The following ZNF888 variants were observed in gnomAD, a reference collection of about 807,000 sequenced individuals.
ZNF888 encodes zinc finger protein 888.
In ZNF888, 5 loss-of-function variants were observed where a neutral mutation model predicts 7.2. That is an observed-to-expected ratio of 0.70 (90% CI 0.36 to 1.46). The LOEUF (loss-of-function observed/expected upper bound fraction) is 1.46. Ranked by LOEUF, ZNF888 falls within the 40% of genes most tolerant of loss-of-function variation. The probability of loss-of-function intolerance (pLI) is 0.03; values close to 1 mark genes in which losing one functional copy is unlikely to be tolerated. For synonymous variants in ZNF888, 240 were observed against 284.3 expected (o/e 0.84, Z 1.57); for missense variants, 716 against 858.0 (o/e 0.83, Z 2.07).
chr19:52,922,384 T>G (rs1432655098), intron 1 of ZNF888, among the ~76,000 whole-genome samples: 6 of 152,032 alleles, frequency 3.9e-5, no homozygotes, highest in Non-Finnish European at 8.8e-5. Flanking sequence ...TCTGTTCTCC[T>G]TGCCACCAGC....
chr19:52,917,012 T>C (rs1177870088), intron 3 of ZNF888, among the ~76,000 whole-genome samples: 2 of 152,186 alleles, frequency 1.3e-5, no homozygotes, highest in Non-Finnish European at 2.9e-5. Context: ...AGAAAAATTG[T>C]AATCATTTTT....
intron 4 of ZNF888, among the ~76,000 whole-genome samples, chr19:52,910,882 A>C (rs2064670031): frequency 6.6e-6 from 1 of 152,082 alleles, no homozygotes. Context: ...TCCTACCTCA[A>C]GTGATTCTCC....
At chr19:52,921,858 G>A (rs1185242529) in intron 1 of ZNF888, 1 of 155,360 alleles carries the variant, frequency 6.4e-6, no homozygotes, top group African/African-American at 2.4e-5. Context: ...GAACCAGGGA[G>A]GTGGCGATTG....
At chr19:52,911,845 C>T (rs1600680520) in intron 4 of ZNF888, among the ~76,000 whole-genome samples, 2 of 151,810 alleles carry the variant, frequency 1.3e-5, no homozygotes, top group South Asian at 4.2e-4. Flanking sequence ...AAGATGGAGT[C>T]TCACTCTGTC....
chr19:52,908,107 G>A lies in ZNF888; in HGVS notation c.215C>T (p.Thr72Ile). Residue 72 changes from threonine (T) to isoleucine (I), a missense_variant, in exon 5 of 5, where the codon ACA becomes ATA. By Grantham distance (89) the Thr-to-Ile change is moderately conservative. This residue lies in a region of ZNF888 where 697 missense variants were observed against 803.4 expected (regional missense o/e 0.87). Transcript: ENST00000638862. ...GTGATGACTTGCCAGTCTTTGCAAT[G>A]TCCCTGTGTGGATCACTTCTGTATT... Reference protein sequence around the residue: ...KGNTEVIHTGTLQRLASHHIG... With the variant: ...KGNTEVIHTGILQRLASHHIG... The A allele has an allele frequency of 6.2e-7, 1 of 1,614,120 alleles. No homozygotes were observed. Among genetic ancestry groups the A allele is most frequent in the Non-Finnish European group, 8.5e-7 (1 of 1,180,036 alleles).
At position 52,906,014 on chromosome 19, in the gene ZNF888, C is replaced by T; in HGVS notation, c.*151G>A. ...TCATGACATTTGTAAGGTTTCTCTC[C>T]AGTATGAGTTCACCCATGAACTACA... On this transcript the variant is annotated 3_prime_UTR_variant, in exon 5 of 5. Coordinates refer to ENST00000638862, the MANE Select transcript of ZNF888 (RefSeq NM_001393938.1). 1 of 1,188,920 alleles carries T rather than the reference C, an allele frequency of 8.4e-7. No homozygotes were observed. Among genetic ancestry groups the T allele is most frequent in the South Asian group, 1.2e-5 (1 of 80,814 alleles). The allele number at this position is 1,188,920 out of a possible 1,614,324, so 73.6% of individuals were successfully genotyped here. A position where few individuals can be genotyped will look rare whatever the true frequency, so the allele number is the denominator to read the frequency against.
intron 1 of ZNF888, chr19:52,921,617 T>C (rs1028159343): frequency 8.9e-5 from 87 of 972,198 alleles, no homozygotes; most frequent in Non-Finnish European, 1.0e-4. Context: ...AATTTTTCCT[T>C]ACAAGAAAAT....
chr19:52,912,175 A>G (rs7250391), intron 4 of ZNF888, among the ~76,000 whole-genome samples: 93,011 of 143,620 alleles, frequency 0.65, 30,140 homozygotes, highest in Admixed American at 0.72. Flanking sequence ...GTGTCGTGGC[A>G]AGATCTCGGC....
rs1018264805 is a variant in ZNF888, at chr19:52,906,531, A to G, written c.1791T>C (p.His597=). ...FRTQSQLACH[H]RLHTGEKPYK... is the part of the protein sequence containing the mutation. ...AAGGTTTCTCTCCAGTATGAAGTCTATGATGACATGCAAGTTGTGACTGTG... is the reference window on the plus strand; with the variant it reads ...AAGGTTTCTCTCCAGTATGAAGTCTGTGATGACATGCAAGTTGTGACTGTG... The change falls in exon 5 of 5, where the codon CAT becomes CAC. Residue 597 remains histidine (H), a synonymous_variant. Transcript: ENST00000638862. 7 of 1,613,740 alleles carry G rather than the reference A, an allele frequency of 4.3e-6. No homozygotes were observed. In the Admixed American group the frequency reaches 5.0e-5, roughly 12 times the overall value.
intron 4 of ZNF888, chr19:52,913,608 G>T: frequency 1.7e-6 from 1 of 596,176 alleles, no homozygotes; most frequent in Non-Finnish European, 2.1e-6. Flanking sequence ...ATAGGCGTGA[G>T]CCACTGTACC....
Position 52,907,823 on chromosome 19 carries a change from T to A in ZNF888, c.499A>T (p.Ile167Phe), listed in dbSNP as rs2064629729. 6.8e-6 allele frequency: 11 copies of A among 1,614,064 alleles called. No individual in the cohort carries two copies. Among genetic ancestry groups the A allele is most frequent in the Non-Finnish European group, 9.3e-6 (11 of 1,180,034 alleles). ...GTTGAAACTGAGGAAGCATTGTTGA[T>A]AGACTTCTCAAGTTGATTACCAATT... ...GKIGNQLEKS[I>F]NNASSVSTSQ... is the part of the protein sequence containing the mutation. Residue 167 changes from isoleucine to phenylalanine, a missense_variant, in exon 5 of 5, where the codon ATC (isoleucine) becomes TTC (phenylalanine). Ile to Phe is a conservative substitution (Grantham distance 21). This residue lies in a region of ZNF888 where 697 missense variants were observed against 803.4 expected (regional missense o/e 0.87). Coordinates refer to ENST00000638862, the MANE Select transcript of ZNF888 (RefSeq NM_001393938.1).
chr19:52,923,259 T>G, intron 1 of ZNF888, 110 bp downstream of exon 1: 1 of 980,042 alleles, frequency 1.0e-6, no homozygotes, highest in Middle Eastern at 5.3e-4. Flanking sequence ...TTGCTCTTGT[T>G]GAAGGAAGAA....
rs560191070 is a variant in ZNF888 at position 52,919,542 on chromosome 19, C to G, written c.-177-605G>C. The stretch of plus-strand genomic sequence containing the variant: ...CCTCCCAGCCGCCTGCCTTGGCCCC[C>G]CAAAGTGCCGAGATTGCAGGCTCTG... On this transcript the variant is annotated intron_variant, in intron 1 of 4. Coordinates refer to ENST00000638862, the MANE Select transcript of ZNF888 (RefSeq NM_001393938.1). 6.9e-5 allele frequency among the ~76,000 whole-genome samples: 5 copies of G among 71,962 alleles called. 2 individuals carry two copies. The highest frequency in any genetic ancestry group is 2.2e-4 in the African/African-American group (5 of 22,908). The allele number at this position is 71,962 out of a possible 152,430, so 47.2% of individuals were successfully genotyped here. A position where few individuals can be genotyped will look rare whatever the true frequency, so the allele number is the denominator to read the frequency against.
chr19:52,908,265 T>A, intron 4 of ZNF888, 86 bp from the exon 5 acceptor site: 1 of 1,304,666 alleles, frequency 7.7e-7, no homozygotes, highest in Non-Finnish European at 1.1e-6. Flanking sequence ...CCAAAAACAA[T>A]ACTTATTTTA....
chr19:52,922,603 C>T (rs1471995439), intron 1 of ZNF888, among the ~76,000 whole-genome samples: 1 of 152,178 alleles, frequency 6.6e-6, no homozygotes, highest in Non-Finnish European at 1.5e-5. Flanking sequence ...TGGCAAATCC[C>T]TGACCATCCC....
chr19:52,909,435 A>T (rs2064651127), intron 4 of ZNF888, among the ~76,000 whole-genome samples: 1 of 151,548 alleles, frequency 6.6e-6, no homozygotes, highest in South Asian at 2.1e-4. Flanking sequence ...TTTAGTAGAG[A>T]TGGGGTTTCA....
rs544114421 is a variant in ZNF888 at position 52,916,024 on chromosome 19, T to C, written c.16-702A>G. ...AGCCAGGTGCAGTGACACATGCCTG[T>C]AGTCCCAGCTATGTGGGAGGCTGAG... On this transcript the variant is annotated intron_variant, in intron 3 of 4. Coordinates refer to ENST00000638862, the MANE Select transcript of ZNF888 (RefSeq NM_001393938.1). 1.2e-4 allele frequency among the ~76,000 whole-genome samples: 19 copies of C among 152,382 alleles called. No homozygotes were observed. The East Asian group carries it at 3.7e-3, about 29-fold the overall frequency.
rs139414395 is a variant in ZNF888, at chr19:52,916,166, G to A, written c.16-844C>T. Among the ~76,000 whole-genome samples the A allele has an allele frequency of 3.4e-3, 521 of 152,108 alleles. 3 individuals carry two copies. The highest frequency in any genetic ancestry group is 0.012 in the African/African-American group (504 of 41,500). On this transcript the variant is annotated intron_variant, in intron 3 of 4. Coordinates refer to ENST00000638862, the MANE Select transcript of ZNF888 (RefSeq NM_001393938.1). The stretch of plus-strand genomic sequence containing the variant: ...CAAAATTAAAAATAAAAAATCAGCC[G>A]GGCATGGTGGCAGGCACCTGTGGTT...
intron 4 of ZNF888, among the ~76,000 whole-genome samples, chr19:52,910,593 A>T (rs1440392777): frequency 6.6e-6 from 1 of 152,198 alleles, no homozygotes; most frequent in Non-Finnish European, 1.5e-5. Flanking sequence ...CTACCTGTGA[A>T]TACTAAAAGT....
Sources: allele counts gnomAD v4.1 joint callset (sites outside exome capture counted in the v4.1 genomes callset), GRCh38; gene constraint gnomAD v4.1.1; regional missense constraint gnomAD v4.1.1; transcripts MANE v1.5; gene names NCBI Gene and HGNC (gene_info 2026-07-23, HGNC 2026-07-21).